LRCH1: variants seen among roughly 807,000 people sequenced by gnomAD.
LRCH1 encodes the protein leucine rich repeats and calponin homology domain containing 1, also known as leucine-rich repeat and calponin homology domain-containing protein 1.
A neutral mutation model predicts 94.9 loss-of-function variants in LRCH1; 23 were observed. The ratio of observed to expected loss-of-function variants is 0.24; its 90% CI spans 0.17 to 0.34. LRCH1 has a LOEUF of 0.34. Ranked by LOEUF, LRCH1 falls within the 10% of genes least tolerant of loss-of-function variation. The pLI, the probability that LRCH1 is intolerant of heterozygous loss-of-function variation, is 1.00. For synonymous variants in LRCH1, 364 were observed against 354.9 expected (o/e 1.03, Z -0.29); for missense variants, 790 against 945.9 (o/e 0.84, Z 2.16).
chr13:46,641,149 G>A (rs1258382182), intron 1 of LRCH1, among the ~76,000 whole-genome samples: 7 of 152,104 alleles, frequency 4.6e-5, no homozygotes, highest in Admixed American at 2.0e-4. Context: ...CTAGAGGAGT[G>A]GGAAGTGAGG....
At chr13:46,703,375 G>C in intron 11 of LRCH1, among the ~76,000 whole-genome samples, 1 of 152,160 alleles carries the variant, frequency 6.6e-6, no homozygotes, top group South Asian at 2.1e-4. Context: ...TCTATAAGAG[G>C]GGGTGACAAG....
chr13:46,607,127 G>A (rs553294648), intron 1 of LRCH1, among the ~76,000 whole-genome samples: 9 of 152,300 alleles, frequency 5.9e-5, no homozygotes, highest in East Asian at 1.9e-4. Flanking sequence ...GGAAATGTGG[G>A]CTGGGTAACT....
At chr13:46,605,248 C>G (rs892522232) in intron 1 of LRCH1, among the ~76,000 whole-genome samples, 1 of 152,194 alleles carries the variant, frequency 6.6e-6, no homozygotes, top group Non-Finnish European at 1.5e-5. Flanking sequence ...TATAAACAGA[C>G]CAAGACTTGG....
intron 1 of LRCH1, among the ~76,000 whole-genome samples, chr13:46,584,559 A>G (rs2050409358): frequency 6.6e-6 from 1 of 152,246 alleles, no homozygotes; most frequent in African/African-American, 2.4e-5. Flanking sequence ...GATGTTGCAA[A>G]GATGCAGGTG....
chr13:46,690,691 T>C (rs1412458307), intron 7 of LRCH1, among the ~76,000 whole-genome samples: 1 of 152,244 alleles, frequency 6.6e-6, no homozygotes, highest in Non-Finnish European at 1.5e-5. Context: ...TTCAACAGAA[T>C]GAAATGCACA....
intron 16 of LRCH1, among the ~76,000 whole-genome samples, chr13:46,718,028 A>C (rs1872409941): frequency 6.6e-6 from 1 of 152,212 alleles, no homozygotes; most frequent in Admixed American, 6.5e-5. Flanking sequence ...TGGATGGGAC[A>C]GCTTTAACCT....
chr13:46,745,111 TA>T (rs1873858617), downstream of LRCH1, among the ~76,000 whole-genome samples: 1 of 152,188 alleles, frequency 6.6e-6, no homozygotes, highest in Non-Finnish European at 1.5e-5. Flanking sequence ...GCTTGTTTCA[TA>T]AAGGGCCTAA....
At chr13:46,625,341 C>T (rs778672016) in intron 1 of LRCH1, among the ~76,000 whole-genome samples, 21 of 152,352 alleles carry the variant, frequency 1.4e-4, no homozygotes, top group South Asian at 6.2e-4. Context: ...TGTGTCCCCC[C>T]ACCCCAACTC....
At chr13:46,704,006 T>A (rs2138185541) in intron 11 of LRCH1, among the ~76,000 whole-genome samples, 1 of 152,268 alleles carries the variant, frequency 6.6e-6, no homozygotes, top group South Asian at 2.1e-4. Flanking sequence ...AGCACTATTT[T>A]AAAATACTAT....
rs2050020237 is a variant in LRCH1 at position 46,553,324 on chromosome 13, G to T, written c.-73G>T. The T allele has an allele frequency of 7.8e-7, 1 of 1,280,978 alleles. No homozygotes were observed. The highest frequency in any genetic ancestry group is 1.1e-6 in the Non-Finnish European group (1 of 948,802). The allele number at this position is 1,280,978 out of a possible 1,614,324, so 79.4% of individuals were successfully genotyped here. On this transcript the variant is annotated 5_prime_UTR_variant, in exon 1 of 20. Transcript: ENST00000389797. ...ACTGCGGCACTCAGCCCGAGCTGCC[G>T]TTTTCCCCTCGCGGGGAACGCTGTG...
chr13:46,663,527 G>A (rs1262740869), intron 2 of LRCH1, among the ~76,000 whole-genome samples: 1 of 152,180 alleles, frequency 6.6e-6, no homozygotes, highest in East Asian at 1.9e-4. Context: ...ATTGTTCACT[G>A]CTGTGTGCAT....
intron 11 of LRCH1, among the ~76,000 whole-genome samples, chr13:46,702,660 C>A (rs1262050542): frequency 1.3e-5 from 2 of 152,070 alleles, no homozygotes; most frequent in Admixed American, 1.3e-4. Flanking sequence ...ATGGCCTGGA[C>A]CTTTAATGAC....
chr13:46,642,398 C>T lies in LRCH1; in HGVS notation c.308-7803C>T, dbSNP rs149404636. 6.8e-3 allele frequency among the ~76,000 whole-genome samples: 1,031 copies of T among 152,308 alleles called. 7 individuals are homozygous for T. Among genetic ancestry groups the T allele is most frequent in the South Asian group, 0.019 (92 of 4,826 alleles). ...GCTCTGCCACTTACTAACTCAGTGT[C>T]CTTGGACAAGTTACCTAACCTCTGT... On this transcript the variant is annotated intron_variant, in intron 1 of 19. Transcript: ENST00000389797.
intron 1 of LRCH1, among the ~76,000 whole-genome samples, chr13:46,594,786 A>T (rs964190938): frequency 6.6e-6 from 1 of 152,200 alleles, no homozygotes; most frequent in Non-Finnish European, 1.5e-5. Flanking sequence ...TTTCAAATGT[A>T]TGGTTAGTGC....
chr13:46,567,779 C>G (rs1227512171), intron 1 of LRCH1, among the ~76,000 whole-genome samples: 1 of 152,116 alleles, frequency 6.6e-6, no homozygotes, highest in Non-Finnish European at 1.5e-5. Context: ...GTCTCTTCCT[C>G]CCCTGCACAG....
Position 46,553,304 on chromosome 13 carries a change from G to A in LRCH1, c.-93G>A. 9.6e-7 allele frequency: 1 copy of A among 1,039,858 alleles called. No homozygotes were observed. Among genetic ancestry groups the A allele is most frequent in the Non-Finnish European group, 1.4e-6 (1 of 725,726 alleles). The allele number at this position is 1,039,858 out of a possible 1,614,324, so 64.4% of individuals were successfully genotyped here. On this transcript the variant is annotated 5_prime_UTR_variant, in exon 1 of 20. Coordinates refer to ENST00000389797, the MANE Select transcript of LRCH1 (RefSeq NM_001164211.2). The stretch of plus-strand genomic sequence containing the variant: ...CCAGCGCCTTTCGGTGGAGCACTGC[G>A]GCACTCAGCCCGAGCTGCCGTTTTC...
intron 1 of LRCH1, among the ~76,000 whole-genome samples, chr13:46,571,229 G>A (rs951991066): frequency 3.9e-5 from 6 of 152,224 alleles, no homozygotes; most frequent in Admixed American, 2.6e-4. Flanking sequence ...CTGTTTGTGC[G>A]AGTCATCCAG....
chr13:46,693,015 T>C (rs1218714353), intron 8 of LRCH1, among the ~76,000 whole-genome samples: 2 of 149,886 alleles, frequency 1.3e-5, no homozygotes, highest in Non-Finnish European at 3.0e-5. Context: ...TCTCCCAGGC[T>C]GGATGGAGTG....
chr13:46,586,285 A>C (rs1204206743), intron 1 of LRCH1, among the ~76,000 whole-genome samples: 1 of 152,182 alleles, frequency 6.6e-6, no homozygotes, highest in Non-Finnish European at 1.5e-5. Context: ...TAAGCATGAT[A>C]GTTGTTGCCC....
Sources: allele counts gnomAD v4.1 joint callset (sites outside exome capture counted in the v4.1 genomes callset), GRCh38; gene constraint gnomAD v4.1.1; transcripts MANE v1.5; gene names NCBI Gene and HGNC (gene_info 2026-07-23, HGNC 2026-07-21).